Variants in NEBL observed in about 807,000 individuals in gnomAD.
The protein encoded by NEBL is nebulette.
NEBL carries 122 observed loss-of-function variants against 140.2 expected under a neutral mutation model. The ratio of observed to expected loss-of-function variants is 0.87; its 90% CI spans 0.75 to 1.01. NEBL has a LOEUF of 1.01. Among genes scored for constraint, NEBL ranks in the 50% least tolerant of loss-of-function variants. NEBL has a pLI of 0.00. For synonymous variants in NEBL, 436 were observed against 398.9 expected (o/e 1.09, Z -1.11); for missense variants, 1,365 against 1,231.3 (o/e 1.11, Z -1.62).
At chr10:21,169,687 G>A (rs1313611770) in intron 2 of NEBL, among the ~76,000 whole-genome samples, 1 of 152,160 alleles carries the variant, frequency 6.6e-6, no homozygotes, top group Non-Finnish European at 1.5e-5. Context: ...AATATCAGCT[G>A]TCTACACATT....
At chr10:21,125,903 C>T (rs780873284) in intron 2 of NEBL, 9 of 1,614,058 alleles carry the variant, frequency 5.6e-6, no homozygotes, top group Admixed American at 1.7e-5. Flanking sequence ...CCATGCTTCC[C>T]TTTGGTTATA....
chr10:20,986,376 A>C (rs956671008), intron 3 of NEBL, among the ~76,000 whole-genome samples: 2 of 152,192 alleles, frequency 1.3e-5, no homozygotes, highest in African/African-American at 4.8e-5. Flanking sequence ...TAATTAAGCC[A>C]AAAATAATTC....
intron 19 of NEBL, among the ~76,000 whole-genome samples, chr10:20,821,119 AG>A (rs1356837779): frequency 6.6e-6 from 1 of 152,206 alleles, no homozygotes; most frequent in Non-Finnish European, 1.5e-5. Flanking sequence ...TAAAGCTCAA[AG>A]GGGTTACATC....
At chr10:20,836,642 G>A (rs1428001410) in intron 13 of NEBL, among the ~76,000 whole-genome samples, 1 of 152,128 alleles carries the variant, frequency 6.6e-6, no homozygotes, top group Non-Finnish European at 1.5e-5. Context: ...AGAAGTTCCG[G>A]CAGTTTGCAA....
chr10:20,896,476 T>TATGCATATATA (rs1847485729), intron 2 of NEBL, among the ~76,000 whole-genome samples: 1 of 46,796 alleles, frequency 2.1e-5, no homozygotes, highest in African/African-American at 7.9e-5. Flanking sequence ...TAAATAAATA[T>TATGCATATATA]TATATGCATA....
upstream of NEBL, among the ~76,000 whole-genome samples, chr10:21,176,428 C>T (rs73609222): frequency 0.027 from 4,121 of 152,270 alleles, 198 homozygotes; most frequent in African/African-American, 0.094. Flanking sequence ...GCGATACATG[C>T]TCAGAGTTAC....
At position 20,809,886 on chromosome 10, in the gene NEBL, C is replaced by G; in HGVS notation, c.2531G>C (p.Trp844Ser). The change falls in exon 25 of 28, where the codon TGG becomes TCG. Residue 844 changes from tryptophan to serine, a missense_variant. Trp to Ser is a radical substitution (Grantham distance 177). Transcript: ENST00000377122. ...RPGIIVDLKV[W>S]RTDPGSIFDL... ...GAAGATGGAGCCAGGATCTGTGCGCCAAACTTTGAGGTCTTTTGCCAAAAG... is the reference window on the plus strand; with the variant it reads ...GAAGATGGAGCCAGGATCTGTGCGCGAAACTTTGAGGTCTTTTGCCAAAAG... 5.8e-6 allele frequency: 9 copies of G among 1,542,528 alleles called. No individual in the cohort carries two copies. Among genetic ancestry groups the G allele is most frequent in the Non-Finnish European group, 7.9e-6 (9 of 1,138,404 alleles).
chr10:21,064,568 T>C (rs1289476844), intron 2 of NEBL, among the ~76,000 whole-genome samples: 1 of 152,246 alleles, frequency 6.6e-6, no homozygotes, highest in Non-Finnish European at 1.5e-5. Flanking sequence ...TGAAAGTTTC[T>C]ATTAGCTTTT....
At chr10:21,270,310 C>A (rs1306481765) in intron 1 of NEBL, among the ~76,000 whole-genome samples, 1 of 152,076 alleles carries the variant, frequency 6.6e-6, no homozygotes, top group Admixed American at 6.6e-5. Flanking sequence ...ATTGGTATAG[C>A]CCTCCTAGAC....
intron 3 of NEBL, among the ~76,000 whole-genome samples, chr10:20,993,644 T>C (rs1424741701): frequency 1.3e-5 from 2 of 152,156 alleles, no homozygotes; most frequent in African/African-American, 2.4e-5. Flanking sequence ...CTAAGACCTC[T>C]GCTAGTATCA....
chr10:21,071,666 A>C (rs2131905210), intron 2 of NEBL, among the ~76,000 whole-genome samples: 1 of 152,330 alleles, frequency 6.6e-6, no homozygotes, highest in South Asian at 2.1e-4. Context: ...CTGAACTGGG[A>C]TCTCCAGGAT....
chr10:20,969,148 A>G (rs779426147), intron 3 of NEBL, among the ~76,000 whole-genome samples: 1 of 152,226 alleles, frequency 6.6e-6, no homozygotes, highest in African/African-American at 2.4e-5. Context: ...AAACAGTCGA[A>G]AGGAAAATCT....
chr10:21,130,181 G>A (rs1039197945), intron 2 of NEBL, among the ~76,000 whole-genome samples: 2 of 152,016 alleles, frequency 1.3e-5, no homozygotes, highest in African/African-American at 4.8e-5. Context: ...TAATAAAGGG[G>A]TCAATTCTCC....
rs549365421 is a variant in NEBL at position 20,877,408 on chromosome 10, A to G, written c.480+3386T>C. Among the ~76,000 whole-genome samples, 9 of 152,324 alleles carry G rather than the reference A, an allele frequency of 5.9e-5. No individual in the cohort carries two copies. The South Asian group carries it at 1.9e-3, about 32-fold the overall frequency. On this transcript the variant is annotated intron_variant, in intron 5 of 27. Coordinates refer to ENST00000377122, the MANE Select transcript of NEBL (RefSeq NM_006393.3). ...TATGCTACTGATATAGGAGTTAAGA[A>G]TAAAGTATTTAGGCAGATAGTGAGG...
intron 3 of NEBL, among the ~76,000 whole-genome samples, chr10:21,216,992 A>G (rs1338262921): frequency 1.2e-5 from 1 of 81,614 alleles, no homozygotes; most frequent in South Asian, 2.9e-4. Flanking sequence ...AGTCTCGAAG[A>G]AAAAAAAAAA....
intron 7 of NEBL, among the ~76,000 whole-genome samples, 171 bp from the exon 8 acceptor site, chr10:20,859,997 TAA>T (rs970022184): frequency 6.6e-6 from 1 of 151,896 alleles, no homozygotes. Context: ...TTATCTTTAA[TAA>T]AAAAAACTCT....
intron 1 of NEBL, among the ~76,000 whole-genome samples, chr10:21,283,461 CTACAG>C (rs1564555654): frequency 6.6e-6 from 1 of 152,158 alleles, no homozygotes; most frequent in East Asian, 1.9e-4. Context: ...TCACTTTACT[CTACAG>C]ACTCCCCCTG....
chr10:21,031,371 A>T (rs997584920), intron 2 of NEBL, among the ~76,000 whole-genome samples: 1 of 152,178 alleles, frequency 6.6e-6, no homozygotes, highest in Non-Finnish European at 1.5e-5. Flanking sequence ...AGCAGAGGGA[A>T]CAACAGGAAC....
At chr10:21,178,279 T>G (rs1459058750), upstream of NEBL, among the ~76,000 whole-genome samples, 2 of 152,200 alleles carry the variant, frequency 1.3e-5, no homozygotes, top group African/African-American at 4.8e-5. Flanking sequence ...AACATATAGT[T>G]ATTGGTAGGC....
Sources: gnomAD v4.1 joint callset for allele counts (sites outside exome capture counted in the v4.1 genomes callset) on GRCh38, gnomAD v4.1.1 for gene constraint, MANE v1.5 for transcripts, NCBI Gene and HGNC (gene_info 2026-07-23, HGNC 2026-07-21) for gene names.